Variants in PDE3B observed in about 807,000 individuals in gnomAD.
PDE3B encodes phosphodiesterase 3B.
Under a neutral mutation model 116.8 loss-of-function variants are expected in PDE3B, and 66 were observed. The observed-to-expected ratio is 0.56, with a 90% CI of 0.46 to 0.69. The LOEUF (loss-of-function observed/expected upper bound fraction) is 0.69, where lower values mean the gene tolerates loss of function less well. PDE3B is among the 30% of genes least tolerant of loss of function. The pLI, the probability that PDE3B is intolerant of heterozygous loss-of-function variation, is 0.00. For missense variants in PDE3B, 1,384 were observed against 1,368.1 expected, an observed-to-expected ratio of 1.01 and a Z score of -0.18; for synonymous variants, 595 against 533.6, an observed-to-expected ratio of 1.12 and a Z score of -1.59.
At chr11:14,683,558 A>C (rs1427316434) in intron 1 of PDE3B, among the ~76,000 whole-genome samples, 1 of 151,852 alleles carries the variant, frequency 6.6e-6, no homozygotes, top group African/African-American at 2.4e-5. Flanking sequence ...ATTTATGTCT[A>C]TCTTTTTTTC....
chr11:14,850,818 G>T (rs922805206), intron 12 of PDE3B, among the ~76,000 whole-genome samples: 2 of 151,802 alleles, frequency 1.3e-5, no homozygotes, highest in African/African-American at 4.8e-5. Context: ...AACTAAATAT[G>T]TGTTGTGTTT....
At chr11:14,713,607 T>C (rs1855771976) in intron 1 of PDE3B, among the ~76,000 whole-genome samples, 1 of 152,054 alleles carries the variant, frequency 6.6e-6, no homozygotes, top group Admixed American at 6.5e-5. Context: ...AACTAAACCA[T>C]TGGTTCTCCA....
At chr11:14,788,667 T>C (rs1858287647) in intron 3 of PDE3B, among the ~76,000 whole-genome samples, 1 of 151,980 alleles carries the variant, frequency 6.6e-6, no homozygotes, top group African/African-American at 2.4e-5. Flanking sequence ...CCCAGAATCC[T>C]GCAGTTTCTC....
intron 15 of PDE3B, among the ~76,000 whole-genome samples, chr11:14,868,380 A>G (rs537250547): frequency 2.4e-4 from 36 of 152,236 alleles, no homozygotes; most frequent in African/African-American, 8.7e-4. Context: ...CACAACTTCC[A>G]TAGCAGCCTA....
At chr11:14,729,623 A>T (rs1856401557) in intron 1 of PDE3B, among the ~76,000 whole-genome samples, 1 of 152,218 alleles carries the variant, frequency 6.6e-6, no homozygotes, top group African/African-American at 2.4e-5. Flanking sequence ...CATTTGTAAG[A>T]TCAAACTAAT....
intron 10 of PDE3B, among the ~76,000 whole-genome samples, chr11:14,834,073 G>A (rs1028746262): frequency 5.9e-5 from 9 of 152,092 alleles, no homozygotes; most frequent in African/African-American, 1.9e-4. Context: ...TGTAAAGCAC[G>A]TATCAGAATT....
chr11:14,725,273 CTT>C (rs1205891062), intron 1 of PDE3B, among the ~76,000 whole-genome samples: 4 of 151,042 alleles, frequency 2.6e-5, no homozygotes, highest in African/African-American at 9.7e-5. Flanking sequence ...CTTTCTCTTT[CTT>C]TTTCTTTCTT....
chr11:14,750,319 A>G (rs181947721), intron 1 of PDE3B, among the ~76,000 whole-genome samples: 48 of 152,218 alleles, frequency 3.2e-4, no homozygotes, highest in African/African-American at 1.1e-3. Context: ...ACAAATATGA[A>G]AAATTTGTAT....
At chr11:14,695,755 A>G (rs1291798776) in intron 1 of PDE3B, among the ~76,000 whole-genome samples, 2 of 152,100 alleles carry the variant, frequency 1.3e-5, no homozygotes, top group Non-Finnish European at 2.9e-5. Flanking sequence ...CTTATAAGTA[A>G]GAACATGCAG....
At chr11:14,757,569 T>C (rs1857228109) in intron 1 of PDE3B, among the ~76,000 whole-genome samples, 1 of 128,608 alleles carries the variant, frequency 7.8e-6, no homozygotes, top group Non-Finnish European at 1.6e-5. Flanking sequence ...ATGAGCATTT[T>C]TTCATGTGTT....
chr11:14,705,959 A>G (rs1045362263), intron 1 of PDE3B, among the ~76,000 whole-genome samples: 2 of 151,894 alleles, frequency 1.3e-5, no homozygotes, highest in Non-Finnish European at 2.9e-5. Flanking sequence ...GTCACTTCAA[A>G]TCTTTTATGT....
At chr11:14,730,095 G>T (rs1163193973) in intron 1 of PDE3B, among the ~76,000 whole-genome samples, 1 of 152,096 alleles carries the variant, frequency 6.6e-6, no homozygotes, top group African/African-American at 2.4e-5. Context: ...ACACTCACTT[G>T]CCCCTCACGT....
chr11:14,877,712 G>C, the PDE3B span: 2 of 167,730 alleles, frequency 1.2e-5, no homozygotes, highest in South Asian at 1.7e-4. Context: ...AACTGGACTG[G>C]TACCACACAG....
chr11:14,848,717 C>G (rs1847670341), intron 12 of PDE3B, among the ~76,000 whole-genome samples: 1 of 152,184 alleles, frequency 6.6e-6, no homozygotes, highest in South Asian at 2.1e-4. Flanking sequence ...AGAGCCAAAT[C>G]ATGAGTGAAC....
intron 1 of PDE3B, among the ~76,000 whole-genome samples, chr11:14,740,471 G>C (rs1322417618): frequency 6.6e-6 from 1 of 152,026 alleles, no homozygotes; most frequent in Non-Finnish European, 1.5e-5. Context: ...TTTTTATTGA[G>C]TCTATTTGAT....
chr11:14,700,989 T>C (rs1855343454), intron 1 of PDE3B: 1 of 151,768 alleles, frequency 6.6e-6, no homozygotes, highest in South Asian at 2.1e-4. Flanking sequence ...ATTTTGTTCA[T>C]TATGAGCAGA....
chr11:14,898,143 T>C, the PDE3B span, among the ~76,000 whole-genome samples: 1 of 151,572 alleles, frequency 6.6e-6, no homozygotes, highest in African/African-American at 2.4e-5. Flanking sequence ...TTCAAGCCAG[T>C]TTGTAGGCTC....
At chr11:14,851,734 T>C (rs1847758380) in intron 12 of PDE3B, among the ~76,000 whole-genome samples, 1 of 152,206 alleles carries the variant, frequency 6.6e-6, no homozygotes, top group Non-Finnish European at 1.5e-5. Context: ...AAGAATCAGA[T>C]GCCCATTCTC....
At chr11:14,844,063 C>G (rs1414623541) in intron 12 of PDE3B, 37 bp downstream of exon 12, 1 of 1,502,598 alleles carries the variant, frequency 6.7e-7, no homozygotes, top group East Asian at 2.3e-5. Flanking sequence ...AAGAGTAATT[C>G]TGAAATTTTC....
Sources: allele counts gnomAD v4.1 joint callset (sites outside exome capture counted in the v4.1 genomes callset), GRCh38; gene constraint gnomAD v4.1.1; transcripts MANE v1.5; gene names NCBI Gene and HGNC (gene_info 2026-07-23, HGNC 2026-07-21).